IARS1: variants seen among roughly 807,000 people sequenced by gnomAD.
IARS1 encodes the protein isoleucine--tRNA ligase, cytoplasmic.
A neutral mutation model predicts 168.2 loss-of-function variants in IARS1; 124 were observed. The ratio of observed to expected loss-of-function variants is 0.74; its 90% CI spans 0.64 to 0.86. IARS1 has a LOEUF of 0.86. IARS1 is among the 40% of genes least tolerant of loss of function. The pLI is 0.00. For synonymous variants in IARS1, 532 were observed against 529.4 expected (o/e 1.00, Z -0.07); for missense variants, 1,452 against 1,515.8 (o/e 0.96, Z 0.70).
chr9:92,289,187 A>G, intron 2 of IARS1, 114 bp downstream of exon 2: 1 of 539,152 alleles, frequency 1.9e-6, no homozygotes. Flanking sequence ...AGCCTGGATG[A>G]CAGTGCGAGA....
At chr9:92,267,157 G>A (rs1314288594) in intron 14 of IARS1, among the ~76,000 whole-genome samples, 4 of 152,196 alleles carry the variant, frequency 2.6e-5, no homozygotes, top group Non-Finnish European at 5.9e-5. Flanking sequence ...AAAGAGCTGA[G>A]AGATGGGGCT....
At chr9:92,247,843 A>ATAT (rs1829450852) in intron 25 of IARS1, among the ~76,000 whole-genome samples, 1 of 152,240 alleles carries the variant, frequency 6.6e-6, no homozygotes, top group Non-Finnish European at 1.5e-5. Context: ...ACTTATATGA[A>ATAT]ATGTCCAGAG....
chr9:92,222,693 T>C, intron 32 of IARS1, 21 bp from the exon 33 acceptor site: 2 of 1,612,876 alleles, frequency 1.2e-6, no homozygotes, highest in Non-Finnish European at 8.5e-7. Flanking sequence ...CAGAACAAAC[T>C]GGATTAAATC....
intron 6 of IARS1, among the ~76,000 whole-genome samples, chr9:92,284,239 C>T (rs150666832): frequency 6.6e-6 from 1 of 152,104 alleles, no homozygotes; most frequent in Non-Finnish European, 1.5e-5. Context: ...ACAACGAATG[C>T]TAACATGGCA....
intron 14 of IARS1, 138 bp downstream of exon 14, chr9:92,268,036 G>T: frequency 1.1e-6 from 1 of 910,568 alleles, no homozygotes. Flanking sequence ...CATGATTCTA[G>T]AAAGGAATAA....
chr9:92,242,289 T>G lies in IARS1; in HGVS notation c.3042A>C (p.Lys1014Asn), dbSNP rs1328718793. The G allele has an allele frequency of 6.2e-7, 1 of 1,614,030 alleles. No homozygotes were observed. The highest frequency in any genetic ancestry group is 1.1e-5 in the South Asian group (1 of 91,070). The change falls in exon 29 of 34, where the codon AAA becomes AAC. Residue 1014 changes from lysine (K) to asparagine (N), a missense_variant. Coordinates refer to ENST00000443024, the MANE Select transcript of IARS1 (RefSeq NM_002161.6). ...TCAGATATGTTCCTTCAGACTTTGC[T>G]TTATAGTACACTGTGATTTCATCAG... ...VPTDEITVYYKAKSEGTYLNS... is the reference protein window; with the variant it reads ...VPTDEITVYYNAKSEGTYLNS...
rs757063021 is a variant in IARS1, at chr9:92,229,134, G to C, written c.3284-8C>G. ...CCAGGAGCAATACTCCACCTAAAAA[G>C]CCACAAAAATAACACCTCAATCAGA... On this transcript the variant is annotated splice_polypyrimidine_tract_variant and splice_region_variant and intron_variant, in intron 30 of 33. Coordinates refer to ENST00000443024, the MANE Select transcript of IARS1 (RefSeq NM_002161.6). 6.2e-7 allele frequency: 1 copy of C among 1,609,020 alleles called. No individual in the cohort carries two copies. Among genetic ancestry groups the C allele is most frequent in the Non-Finnish European group, 8.5e-7 (1 of 1,177,980 alleles).
At chr9:92,216,537 G>A (rs1346055242) in intron 33 of IARS1, among the ~76,000 whole-genome samples, 7 of 123,774 alleles carry the variant, frequency 5.7e-5, no homozygotes, top group African/African-American at 2.1e-4. Context: ...CATCTCATGT[G>A]CAGAGACACA....
chr9:92,271,481 A>G, intron 11 of IARS1, 52 bp downstream of exon 11: 1 of 1,598,104 alleles, frequency 6.3e-7, no homozygotes, highest in Non-Finnish European at 8.6e-7. Context: ...AAATGATGGT[A>G]GAGACTAATC....
At chr9:92,220,448 A>G (rs959867096) in intron 33 of IARS1, among the ~76,000 whole-genome samples, 1 of 151,956 alleles carries the variant, frequency 6.6e-6, no homozygotes, top group Non-Finnish European at 1.5e-5. Flanking sequence ...TAAAAAAATA[A>G]TAAAATAAAA....
In IARS1 at chr9:92,217,807, A is replaced by G. The variant is rs1335829180; in HGVS notation, c.3706+4713T>C. 3.9e-5 allele frequency among the ~76,000 whole-genome samples: 6 copies of G among 152,148 alleles called. No homozygotes were observed. The South Asian group carries it at 6.2e-4, about 16-fold the overall frequency. ...ATAGCTTACCAACCAAAAAGAGTCC[A>G]GGACCAGATGGATTCACAGCCGAAT... On this transcript the variant is annotated intron_variant, in intron 33 of 33. Transcript: ENST00000443024.
rs141780095 is a variant in IARS1, at chr9:92,267,138, T to C, written c.1431+1036A>G. On this transcript the variant is annotated intron_variant, in intron 14 of 33. Transcript: ENST00000443024. ...ACAAAGCCACAGGATGCTAGGATTA[T>C]ATCCAGGTAAAGAGCTGAGAGATGG... is the stretch of plus-strand genomic sequence containing the variant. Among the ~76,000 whole-genome samples, 67 of 152,276 alleles carry C rather than the reference T, an allele frequency of 4.4e-4. 2 individuals are homozygous for C. The East Asian group carries it at 9.8e-3, about 22-fold the overall frequency.
At chr9:92,241,927 C>T (rs900743456) in intron 29 of IARS1, among the ~76,000 whole-genome samples, 1 of 152,172 alleles carries the variant, frequency 6.6e-6, no homozygotes, top group African/African-American at 2.4e-5. Flanking sequence ...ACCCTCCTGG[C>T]TACCTTCCTC....
intron 17 of IARS1, among the ~76,000 whole-genome samples, 174 bp from the exon 18 acceptor site, chr9:92,260,408 C>A (rs936759216): frequency 2.6e-5 from 4 of 152,192 alleles, no homozygotes; most frequent in Non-Finnish European, 2.9e-5. Context: ...GTAATCCCAG[C>A]ACTTTGGGAG....
At position 92,280,810 on chromosome 9, in the gene IARS1, G is replaced by T. The variant is rs1587880358; in HGVS notation, c.681C>A (p.Pro227=). Residue 227 remains proline (P), a synonymous_variant, in exon 7 of 34, where the codon CCC becomes CCA. Transcript: ENST00000443024. Reference sequence around the variant, plus strand: ...CAGCAAGGTTACTAGGTAGAGTCCAGGGAGTGGTTGTCCAAGCAACTAAAG... The same window carrying T: ...CAGCAAGGTTACTAGGTAGAGTCCATGGAGTGGTTGTCCAAGCAACTAAAG... The part of the protein sequence containing the change: ...TVSLVAWTTT[P]WTLPSNLAVC... 4 of 1,611,546 alleles carry T rather than the reference G, an allele frequency of 2.5e-6. No individual in the cohort carries two copies. The highest frequency in any genetic ancestry group is 3.4e-6 in the Non-Finnish European group (4 of 1,177,868).
Position 92,215,883 on chromosome 9 carries a change from C to T in IARS1, c.3707-4994G>A, listed in dbSNP as rs190581006. ...ATCCAGGAGAACTTCCCCTATCTAG[C>T]GAGGCAGGCCAACGTTCAGATTCAG... On this transcript the variant is annotated intron_variant, in intron 33 of 33. Coordinates refer to ENST00000443024, the MANE Select transcript of IARS1 (RefSeq NM_002161.6). Among the ~76,000 whole-genome samples the T allele has an allele frequency of 3.9e-4, 60 of 152,182 alleles. No homozygotes were observed. In the East Asian group the frequency reaches 7.7e-3, roughly 20 times the overall value.
chr9:92,281,135 CTT>C (rs35960000), intron 6 of IARS1, among the ~76,000 whole-genome samples: 62 of 135,402 alleles, frequency 4.6e-4, no homozygotes, highest in East Asian at 4.2e-4. Context: ...CACCTGGTGA[CTT>C]TTTTTTTTTT....
intron 30 of IARS1, among the ~76,000 whole-genome samples, chr9:92,234,294 T>G (rs1200280402): frequency 6.6e-6 from 1 of 152,184 alleles, no homozygotes; most frequent in Non-Finnish European, 1.5e-5. Context: ...GGCCAAACAT[T>G]TAAAAATAAC....
chr9:92,237,079 CCTT>C (rs1827659007), intron 30 of IARS1, among the ~76,000 whole-genome samples: 2 of 151,818 alleles, frequency 1.3e-5, no homozygotes, highest in South Asian at 2.1e-4. Context: ...TTATGTTTTT[CCTT>C]CTTCTTACTT....
Sources: gnomAD v4.1 joint callset for allele counts (sites outside exome capture counted in the v4.1 genomes callset) on GRCh38, gnomAD v4.1.1 for gene constraint, MANE v1.5 for transcripts, NCBI Gene and HGNC (gene_info 2026-07-23, HGNC 2026-07-21) for gene names.